PTK2: variants seen among roughly 807,000 people sequenced by gnomAD.
PTK2 encodes the protein protein tyrosine kinase 2, also known as focal adhesion kinase 1.
A neutral mutation model predicts 150.1 loss-of-function variants in PTK2; 45 were observed. That is an observed-to-expected ratio of 0.30 (90% CI 0.24 to 0.38). The LOEUF (loss-of-function observed/expected upper bound fraction) is 0.38, where lower values mean the gene tolerates loss of function less well. Among genes scored for constraint, PTK2 ranks in the 10% least tolerant of loss-of-function variants. The pLI is 1.00. For missense variants in PTK2, 919 were observed against 1,307.3 expected (o/e 0.70, Z 4.58); for synonymous variants, 432 against 449.2 (o/e 0.96, Z 0.48).
intron 14 of PTK2, among the ~76,000 whole-genome samples, chr8:140,770,217 T>G (rs2100074738): frequency 6.6e-6 from 1 of 152,218 alleles, no homozygotes; most frequent in Non-Finnish European, 1.5e-5. Flanking sequence ...CTGTTTCAAT[T>G]ATTATAAATA....
intron 4 of PTK2, among the ~76,000 whole-genome samples, chr8:140,864,823 T>G (rs1281749544): frequency 6.6e-6 from 1 of 152,250 alleles, no homozygotes; most frequent in Non-Finnish European, 1.5e-5. Context: ...ATCACCAGAA[T>G]GCTCTTTATC....
intron 1 of PTK2, among the ~76,000 whole-genome samples, chr8:140,936,210 T>C (rs2100173574): frequency 6.6e-6 from 1 of 152,170 alleles, no homozygotes; most frequent in Admixed American, 6.5e-5. Context: ...GTGAATTCAA[T>C]CTTTTTAACT....
At chr8:140,680,419 G>A (rs754440203) in intron 27 of PTK2, among the ~76,000 whole-genome samples, 16 of 151,998 alleles carry the variant, frequency 1.1e-4, no homozygotes, top group African/African-American at 2.9e-4. Context: ...TAGTAGAGAC[G>A]GGGTTTTACC....
In PTK2 at chr8:140,897,961, G is replaced by A. The variant is rs530459358; in HGVS notation, c.-32-7192C>T. On this transcript the variant is annotated intron_variant, in intron 2 of 31. Coordinates refer to ENST00000522684, the Ensembl canonical transcript of PTK2. ...ATTCACAGAGATCTGCCACTTTTGC[G>A]CACTACATAATATCTTTTTCAATAA... Among the ~76,000 whole-genome samples the A allele has an allele frequency of 3.3e-5, 5 of 152,194 alleles. No individual in the cohort carries two copies. The East Asian group carries it at 5.8e-4, about 18-fold the overall frequency.
chr8:140,726,831 G>A (rs1040071874), intron 22 of PTK2, among the ~76,000 whole-genome samples: 1 of 152,194 alleles, frequency 6.6e-6, no homozygotes, highest in African/African-American at 2.4e-5. Context: ...AGAAGAGTGA[G>A]TTTGCTTACT....
intron 7 of PTK2, among the ~76,000 whole-genome samples, chr8:140,839,586 G>A (rs571732627): frequency 6.6e-6 from 1 of 151,886 alleles, no homozygotes; most frequent in South Asian, 2.1e-4. Flanking sequence ...AAATATAAGT[G>A]GTAGAATGAA....
chr8:140,986,643 G>C (rs1037431254), intron 1 of PTK2, among the ~76,000 whole-genome samples: 23 of 152,266 alleles, frequency 1.5e-4, no homozygotes, highest in Admixed American at 7.2e-4. Flanking sequence ...ACTACAGTAA[G>C]CAAGAACCCA....
chr8:140,908,784 A>G (rs1473065568), intron 2 of PTK2, among the ~76,000 whole-genome samples: 1 of 152,214 alleles, frequency 6.6e-6, no homozygotes, highest in Non-Finnish European at 1.5e-5. Context: ...TTTCCACGGA[A>G]AAGAACACTT....
At chr8:140,665,048 A>G in intron 30 of PTK2, 51 bp from the exon 35 acceptor site, 1 of 1,500,752 alleles carries the variant, frequency 6.7e-7, no homozygotes, top group South Asian at 1.2e-5. Context: ...AAGGATTTTT[A>G]TGCTTTTCAG....
intron 4 of PTK2, 112 bp from the exon 5 acceptor site, chr8:140,864,511 T>C: frequency 1.9e-6 from 1 of 534,874 alleles, no homozygotes; most frequent in Non-Finnish European, 3.2e-6. Context: ...AAAGATGATT[T>C]CAAATAAAAG....
intron 2 of PTK2, among the ~76,000 whole-genome samples, chr8:140,896,351 G>A (rs1039040922): frequency 2.8e-4 from 42 of 152,082 alleles, no homozygotes; most frequent in Non-Finnish European, 5.4e-4. Context: ...GATGAGAAAC[G>A]ATAAAAGTCT....
intron 16 of PTK2, among the ~76,000 whole-genome samples, chr8:140,756,914 G>A (rs1353399462): frequency 2.0e-5 from 3 of 151,676 alleles, no homozygotes; most frequent in African/African-American, 7.3e-5. Context: ...GCGTGAACCC[G>A]GGAGGCGGAG....
At chr8:140,850,041 T>C (rs1295169497) in intron 5 of PTK2, among the ~76,000 whole-genome samples, 1 of 152,186 alleles carries the variant, frequency 6.6e-6, no homozygotes, top group Non-Finnish European at 1.5e-5. Context: ...CACTGTGTTG[T>C]ACTCTCTTTT....
At chr8:140,843,549 CAT>C (rs1250220530) in intron 7 of PTK2, among the ~76,000 whole-genome samples, 3 of 151,694 alleles carry the variant, frequency 2.0e-5, no homozygotes, top group Non-Finnish European at 4.4e-5. Context: ...AAGATGATCA[CAT>C]GTGTTCCTGG....
chr8:140,727,188 T>G (rs2100046362), intron 22 of PTK2, among the ~76,000 whole-genome samples: 1 of 152,192 alleles, frequency 6.6e-6, no homozygotes, highest in African/African-American at 2.4e-5. Flanking sequence ...TTTGGCAAAT[T>G]GTGCAAAGAC....
intron 2 of PTK2, among the ~76,000 whole-genome samples, chr8:140,916,789 A>G (rs764112392): frequency 6.6e-6 from 1 of 152,238 alleles, no homozygotes. Context: ...TTAAGAATAC[A>G]GGCACTGCAG....
At chr8:140,747,380 C>G (rs1321091308) in intron 17 of PTK2, 2 of 127,924 alleles carry the variant, frequency 1.6e-5, no homozygotes, top group African/African-American at 6.2e-5. Flanking sequence ...TCCTTCTTTC[C>G]TTCTGCATAT....
In PTK2 at chr8:140,781,856, C is replaced by G. The variant is rs115928938; in HGVS notation, c.1177+7618G>C. Among the ~76,000 whole-genome samples the G allele has an allele frequency of 4.5e-3, 686 of 152,270 alleles. 4 individuals carry two copies. The highest frequency in any genetic ancestry group is 0.016 in the African/African-American group (649 of 41,564). ...ACTGCTTTAGAACCCAGAGAAGAAA[C>G]GGTATGACTACGAAGAACACCCCGA... is the stretch of plus-strand genomic sequence containing the variant. On this transcript the variant is annotated intron_variant, in intron 14 of 31. Coordinates refer to ENST00000522684, the Ensembl canonical transcript of PTK2.
intron 16 of PTK2, among the ~76,000 whole-genome samples, chr8:140,756,952 G>A (rs1200202057): frequency 1.3e-5 from 2 of 150,888 alleles, no homozygotes; most frequent in African/African-American, 4.9e-5. Context: ...TGGCGCCACT[G>A]CACTCTGGCC....
Sources: allele counts gnomAD v4.1 joint callset (sites outside exome capture counted in the v4.1 genomes callset), GRCh38; gene constraint gnomAD v4.1.1; transcripts MANE v1.5; gene names NCBI Gene and HGNC (gene_info 2026-07-23, HGNC 2026-07-21).